Variants in PTPRF observed in about 807,000 individuals in gnomAD.
The protein encoded by PTPRF is receptor-type tyrosine-protein phosphatase F.
Under a neutral mutation model 201.8 loss-of-function variants are expected in PTPRF, and 59 were observed. The ratio of observed to expected loss-of-function variants is 0.29; its 90% CI spans 0.24 to 0.36. The LOEUF (loss-of-function observed/expected upper bound fraction) is 0.36. Ranked by LOEUF, PTPRF falls within the 10% of genes least tolerant of loss-of-function variation. PTPRF has a pLI of 1.00. For synonymous variants in PTPRF, 1,088 were observed against 1,089.7 expected (o/e 1.00, Z 0.03); for missense variants, 2,132 against 2,690.5 (o/e 0.79, Z 4.59).
chr1:43,550,476 C>T (rs1644961085), intron 3 of PTPRF, among the ~76,000 whole-genome samples: 1 of 152,098 alleles, frequency 6.6e-6, no homozygotes, highest in East Asian at 1.9e-4. Flanking sequence ...GGTTTCTCTT[C>T]CCTGGTGCAG....
chr1:43,524,039 C>T (rs549706310), upstream of PTPRF, among the ~76,000 whole-genome samples: 25 of 101,452 alleles, frequency 2.5e-4, no homozygotes, highest in African/African-American at 7.9e-4. Flanking sequence ...GGTGCCAAAG[C>T]GAGACTCTGT....
At chr1:43,570,563 G>C (rs1249983095) in intron 6 of PTPRF, among the ~76,000 whole-genome samples, 1 of 152,252 alleles carries the variant, frequency 6.6e-6, no homozygotes, top group Admixed American at 6.5e-5. Context: ...AGCCCCTTCT[G>C]CCTGTCAGTT....
rs894719187 is a variant in PTPRF, at chr1:43,554,045, G to C, written c.379+104G>C. 2 of 1,471,190 alleles carry C rather than the reference G, an allele frequency of 1.4e-6. No individual in the cohort carries two copies. The highest frequency in any genetic ancestry group is 1.8e-6 in the Non-Finnish European group (2 of 1,088,200). The allele number at this position is 1,471,190 out of a possible 1,614,324, so 91.1% of individuals were successfully genotyped here. A position where few individuals can be genotyped will look rare whatever the true frequency, so the allele number is the denominator to read the frequency against. ...GGGCCCATGTGCATTTGGCAGAAAG[G>C]AGGACTGGCCACCTCGGGGTCAGTG... On this transcript the variant is annotated intron_variant, in intron 5 of 33. Coordinates refer to ENST00000359947, the MANE Select transcript of PTPRF (RefSeq NM_002840.5). This position sits in a 1 kb window ranked among gnomAD's most constrained non-coding sequence, Gnocchi z 4.1.
intron 6 of PTPRF, among the ~76,000 whole-genome samples, chr1:43,571,734 A>G (rs1406398988): frequency 6.6e-6 from 1 of 152,000 alleles, no homozygotes; most frequent in East Asian, 1.9e-4. Flanking sequence ...TGCTGCTCAT[A>G]CCTTCCTGTG....
intron 8 of PTPRF, among the ~76,000 whole-genome samples, chr1:43,590,285 A>G (rs542976451): frequency 3.9e-5 from 6 of 152,282 alleles, no homozygotes; most frequent in South Asian, 4.1e-4. Flanking sequence ...GTCCTTGCAC[A>G]TGGCAGAATC....
At chr1:43,581,036 C>T (rs60082156) in intron 7 of PTPRF, among the ~76,000 whole-genome samples, 3,380 of 152,358 alleles carry the variant, frequency 0.022, 126 homozygotes, top group African/African-American at 0.078. Context: ...GCCCTGGAGG[C>T]AGAGCAGTGG....
intron 3 of PTPRF, among the ~76,000 whole-genome samples, chr1:43,549,379 G>A (rs1317998459): frequency 6.6e-6 from 1 of 152,178 alleles, no homozygotes; most frequent in Non-Finnish European, 1.5e-5. Flanking sequence ...GGGACACAGA[G>A]CAGGCTCCTA....
chr1:43,530,942 GGGCTCC>G lies in PTPRF; in HGVS notation c.-249_-244del, dbSNP rs780812023. The G allele has an allele frequency of 0.039, 6,064 of 156,190 alleles. 196 individuals are homozygous for G. Among genetic ancestry groups the G allele is most frequent in the East Asian group, 0.1 (559 of 5,338 alleles). The allele number at this position is 156,190 out of a possible 1,614,324, so 9.7% of individuals were successfully genotyped here. ...CCAGCTTCGGCTCCGGCTCGGGCTC[GGGCTCC>G]GGCTCCGGCTCCGGCTCCGGCTCCA... On this transcript the variant is annotated 5_prime_UTR_variant, in exon 1 of 34. Transcript: ENST00000359947. This position sits in a 1 kb window ranked among gnomAD's most constrained non-coding sequence, Gnocchi z 4.1.
intron 6 of PTPRF, among the ~76,000 whole-genome samples, chr1:43,574,710 A>C (rs1465397073): frequency 6.6e-6 from 1 of 152,206 alleles, no homozygotes; most frequent in African/African-American, 2.4e-5. Context: ...GGAGAGAGAG[A>C]ATCATTGTGC....
chr1:43,592,240 C>T lies in PTPRF; in HGVS notation c.1669-217C>T, dbSNP rs565866001. On this transcript the variant is annotated intron_variant, in intron 10 of 33. Transcript: ENST00000359947. ...CCCTGAAGTTTCCCCAGAAGCCATG[C>T]GTCCCAGATGGCTCCTGTGGTCCAT... 2.6e-5 allele frequency among the ~76,000 whole-genome samples: 4 copies of T among 152,264 alleles called. No individual in the cohort carries two copies. In the East Asian group the frequency reaches 5.8e-4, roughly 22 times the overall value.
chr1:43,552,169 T>C (rs1008850995), intron 3 of PTPRF, among the ~76,000 whole-genome samples: 1 of 152,152 alleles, frequency 6.6e-6, no homozygotes, highest in Admixed American at 6.5e-5. Flanking sequence ...AGCTGCTGGC[T>C]GTATAGTCAC....
In PTPRF at chr1:43,619,476, A is replaced by G; in HGVS notation, c.4835A>G (p.His1612Arg). Residue 1612 changes from histidine (H) to arginine (R), a missense_variant, in exon 28 of 34, where the codon CAC becomes CGC. This residue lies in a region of PTPRF where 519 missense variants were observed against 659.5 expected (regional missense o/e 0.79). Coordinates refer to ENST00000359947, the MANE Select transcript of PTPRF (RefSeq NM_002840.5). ...EALLEAATCG[H>R]TEVPARNLYA... ...CTGCTGGAGGCTGCCACGTGCGGCC[A>G]CACAGAGGTGCCTGCCCGCAACCTG... 1 of 1,614,038 alleles carries G rather than the reference A, an allele frequency of 6.2e-7. No individual in the cohort carries two copies. Among genetic ancestry groups the G allele is most frequent in the Non-Finnish European group, 8.5e-7 (1 of 1,180,044 alleles).
At chr1:43,547,494 C>T (rs372154751) in intron 3 of PTPRF, among the ~76,000 whole-genome samples, 1 of 152,226 alleles carries the variant, frequency 6.6e-6, no homozygotes, top group East Asian at 1.9e-4. Flanking sequence ...CTGTCTTACA[C>T]TGCACACAGT....
intron 11 of PTPRF, among the ~76,000 whole-genome samples, chr1:43,594,075 C>T (rs1051921276): frequency 6.6e-6 from 1 of 152,192 alleles, no homozygotes; most frequent in African/African-American, 2.4e-5. Context: ...CATGGGCAGA[C>T]ACCATGTGTC....
Position 43,566,382 on chromosome 1 carries a change from C to T in PTPRF, c.380-3208C>T, listed in dbSNP as rs146569888. The stretch of plus-strand genomic sequence containing the variant: ...CATAGTACCTGGAACCTAGTAAATG[C>T]TTCATAAATCTTACTGTCCCTCATA... On this transcript the variant is annotated intron_variant, in intron 5 of 33. Transcript: ENST00000359947. Among the ~76,000 whole-genome samples, 14 of 152,342 alleles carry T rather than the reference C, an allele frequency of 9.2e-5. No individual in the cohort carries two copies. In the East Asian group the frequency reaches 2.5e-3, roughly 27 times the overall value.
chr1:43,587,810 C>G (rs1312444697), intron 7 of PTPRF, among the ~76,000 whole-genome samples: 1 of 152,210 alleles, frequency 6.6e-6, no homozygotes, highest in East Asian at 1.9e-4. Context: ...GTTTCATCAC[C>G]TCCCTTCCCT....
intron 13 of PTPRF, among the ~76,000 whole-genome samples, 177 bp downstream of exon 13, chr1:43,599,090 T>A (rs919409782): frequency 6.6e-6 from 1 of 152,124 alleles, no homozygotes; most frequent in Admixed American, 6.6e-5. Context: ...GGCTGGGGTT[T>A]TTTGGGTGTG....
rs1378769004 is a variant in PTPRF at position 43,589,556 on chromosome 1, C to CAT, written c.949+561_949+562dup. 3.9e-5 allele frequency among the ~76,000 whole-genome samples: 6 copies of CAT among 152,148 alleles called. No homozygotes were observed. The East Asian group carries it at 1.2e-3, about 29-fold the overall frequency. On this transcript the variant is annotated intron_variant, in intron 8 of 33. Coordinates refer to ENST00000359947, the MANE Select transcript of PTPRF (RefSeq NM_002840.5). ...GCACACATGTATTACACATATGTCACATATATGTAACCGATTCTGGCCAGG... is the reference window on the plus strand; with the variant it reads ...GCACACATGTATTACACATATGTCACATATATATGTAACCGATTCTGGCCAGG...
chr1:43,594,352 G>C (rs894948218), intron 11 of PTPRF, among the ~76,000 whole-genome samples: 4 of 133,062 alleles, frequency 3.0e-5, no homozygotes, highest in Non-Finnish European at 6.3e-5. Flanking sequence ...ACAGGCCTCC[G>C]GGAGAGTCTG....
Sources: gnomAD v4.1 joint callset for allele counts (sites outside exome capture counted in the v4.1 genomes callset) on GRCh38, gnomAD v4.1.1 for gene constraint, gnomAD v4.1.1 regional missense constraint, Gnocchi (gnomAD v3.1) non-coding constraint, MANE v1.5 for transcripts, NCBI Gene and HGNC (gene_info 2026-07-23, HGNC 2026-07-21) for gene names.